Variants in PTPN20 observed in about 807,000 individuals in gnomAD.
PTPN20 encodes the protein protein tyrosine phosphatase non-receptor type 20.
Under a neutral mutation model 35.0 loss-of-function variants are expected in PTPN20, and 9 were observed. That is an observed-to-expected ratio of 0.26 (90% CI 0.15 to 0.45). The LOEUF (loss-of-function observed/expected upper bound fraction) is 0.45. Among genes scored for constraint, PTPN20 ranks in the 20% least tolerant of loss-of-function variants. The pLI is 1.00. For missense variants in PTPN20, 111 were observed against 312.5 expected, an observed-to-expected ratio of 0.36 and a Z score of 4.86; for synonymous variants, 32 against 100.2, an observed-to-expected ratio of 0.32 and a Z score of 4.06.
At chr10:46,976,905 CTA>C (rs2053848989) in intron 7 of PTPN20, among the ~76,000 whole-genome samples, 2 of 149,478 alleles carry the variant, frequency 1.3e-5, no homozygotes, top group African/African-American at 2.5e-5. Context: ...TTATAGGAAA[CTA>C]ATATAAGTTT....
intron 1 of PTPN20, among the ~76,000 whole-genome samples, chr10:46,931,258 AC>A (rs2133118343): frequency 8.8e-6 from 1 of 113,644 alleles, no homozygotes; most frequent in South Asian, 3.0e-4. Flanking sequence ...TAAGTCTAGG[AC>A]TTTTAATCAG....
At chr10:46,950,566 T>G (rs2046339661) in intron 5 of PTPN20, among the ~76,000 whole-genome samples, 2 of 152,132 alleles carry the variant, frequency 1.3e-5, no homozygotes, top group South Asian at 2.1e-4. Context: ...GTATGTATTG[T>G]TCTTAAAGAT....
chr10:46,928,143 G>A (rs1355602192), intron 1 of PTPN20, among the ~76,000 whole-genome samples: 1 of 151,300 alleles, frequency 6.6e-6, no homozygotes, highest in Non-Finnish European at 1.5e-5. Flanking sequence ...ATCATCATCA[G>A]TCCCTGGGTT....
Position 47,001,005 on chromosome 10 carries a change from C to A in PTPN20, c.*264C>A. 1.9e-6 allele frequency: 1 copy of A among 530,794 alleles called. No individual in the cohort carries two copies. The highest frequency in any genetic ancestry group is 2.2e-5 in the South Asian group (1 of 45,478). 32.9% of individuals were successfully genotyped at this position (530,794 alleles called of 1,614,324 possible). On this transcript the variant is annotated 3_prime_UTR_variant, in exon 11 of 11. Transcript: ENST00000374339. ...AAACAGATGTTACATAAAACGATTG[C>A]AGCTTGGCTATTTGGTTGAAGGGAT... is the stretch of plus-strand genomic sequence containing the variant.
chr10:46,937,254 C>A (rs1427130742), intron 2 of PTPN20, among the ~76,000 whole-genome samples: 232 of 146,416 alleles, frequency 1.6e-3, no homozygotes, highest in Non-Finnish European at 2.6e-3. Context: ...ATGAGAAATC[C>A]ATCATTCTTA....
intron 9 of PTPN20, among the ~76,000 whole-genome samples, chr10:46,993,242 GC>G (rs1192154656): frequency 3.3e-5 from 5 of 152,296 alleles, no homozygotes; most frequent in African/African-American, 9.6e-5. Context: ...CCTTAGGGGA[GC>G]CCCCTCCAGT....
chr10:46,941,599 C>A, intron 3 of PTPN20, among the ~76,000 whole-genome samples: 1 of 138,772 alleles, frequency 7.2e-6, no homozygotes, highest in East Asian at 2.2e-4. Flanking sequence ...CACAGAATGG[C>A]CCAAGTATAT....
chr10:46,959,507 A>G (rs1265716717), intron 5 of PTPN20, among the ~76,000 whole-genome samples: 1 of 147,416 alleles, frequency 6.8e-6, no homozygotes, highest in Non-Finnish European at 1.5e-5. Context: ...GTAATTACTG[A>G]TAAGGAGAGA....
At position 46,999,896 on chromosome 10, in the gene PTPN20, T is replaced by C. The variant is rs2059800769; in HGVS notation, c.1135-16T>C. 1.2e-6 allele frequency: 2 copies of C among 1,613,628 alleles called. No individual in the cohort carries two copies. The highest frequency in any genetic ancestry group is 1.7e-4 in the Middle Eastern group (1 of 6,056). The stretch of plus-strand genomic sequence containing the variant: ...CCCCATGTGGATCATACAAAATTAC[T>C]GTCATCTTATTACAGTTCAACATCA... On this transcript the variant is annotated splice_polypyrimidine_tract_variant and intron_variant, in intron 9 of 10. Coordinates refer to ENST00000374339, the MANE Select transcript of PTPN20 (RefSeq NM_001042357.5).
At position 46,967,441 on chromosome 10, in the gene PTPN20, G is replaced by A. The variant is rs1444293934; in HGVS notation, c.493-516G>A. On this transcript the variant is annotated intron_variant, in intron 6 of 10. Coordinates refer to ENST00000374339, the MANE Select transcript of PTPN20 (RefSeq NM_001042357.5). ...ACAAGGCCAGATACCTACTAAATGC[G>A]TAATAAGTGTTTGTTGAATTCACAC... 2.3e-5 allele frequency among the ~76,000 whole-genome samples: 2 copies of A among 88,644 alleles called. 1 individual carries two copies. The highest frequency in any genetic ancestry group is 3.9e-5 in the Non-Finnish European group (2 of 51,826). The allele number at this position is 88,644 out of a possible 152,430, so 58.2% of individuals were successfully genotyped here.
intron 2 of PTPN20, among the ~76,000 whole-genome samples, chr10:46,935,797 A>G (rs1490246640): frequency 6.6e-6 from 1 of 152,222 alleles, no homozygotes; most frequent in Non-Finnish European, 1.5e-5. Context: ...TGACGGAACA[A>G]TTTATATCCC....
intron 9 of PTPN20, among the ~76,000 whole-genome samples, chr10:46,998,513 G>A (rs1373691263): frequency 6.6e-6 from 1 of 152,112 alleles, no homozygotes; most frequent in African/African-American, 2.4e-5. Context: ...GACTCTATAG[G>A]GATAGCAGGA....
At chr10:46,941,779 C>T in intron 3 of PTPN20, among the ~76,000 whole-genome samples, 1 of 143,566 alleles carries the variant, frequency 7.0e-6, no homozygotes, top group East Asian at 2.1e-4. Flanking sequence ...TTAAAGTTTC[C>T]TTTCATAAAA....
At position 46,923,329 on chromosome 10, in the gene PTPN20, A is replaced by G. The variant is rs1302177378; in HGVS notation, c.-123-9048A>G. Among the ~76,000 whole-genome samples, 3 of 146,108 alleles carry G rather than the reference A, an allele frequency of 2.1e-5. 1 individual carries two copies. Among genetic ancestry groups the G allele is most frequent in the African/African-American group, 8.3e-5 (3 of 36,338 alleles). On this transcript the variant is annotated intron_variant, in intron 1 of 10. Coordinates refer to ENST00000374339, the MANE Select transcript of PTPN20 (RefSeq NM_001042357.5). ...CACCCAGTTTGTGGTACCATGTTATAGCAGCTCTTGGGCACCAATACAGTT... is the reference window on the plus strand; with the variant it reads ...CACCCAGTTTGTGGTACCATGTTATGGCAGCTCTTGGGCACCAATACAGTT...
rs2047604159 is a variant in PTPN20, at chr10:46,953,876, T to C, written c.340+7201T>C. 2.1e-5 allele frequency among the ~76,000 whole-genome samples: 3 copies of C among 140,724 alleles called. 1 individual carries two copies. Among genetic ancestry groups the C allele is most frequent in the African/African-American group, 8.8e-5 (3 of 34,272 alleles). 92.3% of individuals were successfully genotyped at this position (140,724 alleles called of 152,430 possible). A position where few individuals can be genotyped will look rare whatever the true frequency, so the allele number is the denominator to read the frequency against. ...CAGATATTCATCTGTAATTTTCTTT[T>C]TTTGTGATATCTTTTTCCGGTTTTA... On this transcript the variant is annotated intron_variant, in intron 5 of 10. Transcript: ENST00000374339.
intron 4 of PTPN20, among the ~76,000 whole-genome samples, chr10:46,945,401 A>C (rs1359211476): frequency 6.6e-6 from 1 of 152,158 alleles, no homozygotes; most frequent in Non-Finnish European, 1.5e-5. Context: ...AAAAATTAGA[A>C]GGAGAAAAGA....
intron 6 of PTPN20, among the ~76,000 whole-genome samples, chr10:46,966,210 C>T (rs879945845): frequency 1.3e-5 from 2 of 151,186 alleles, no homozygotes; most frequent in Non-Finnish European, 2.9e-5. Flanking sequence ...TGAGCCACCG[C>T]GCCTGGCCGA....
At chr10:46,929,698 C>T (rs1347369698) in intron 1 of PTPN20, among the ~76,000 whole-genome samples, 1 of 148,774 alleles carries the variant, frequency 6.7e-6, no homozygotes, top group Non-Finnish European at 1.5e-5. Flanking sequence ...GGAGATGAGT[C>T]CAGAAATCAT....
chr10:46,950,661 G>A (rs2046366355), intron 5 of PTPN20, among the ~76,000 whole-genome samples: 1 of 151,838 alleles, frequency 6.6e-6, no homozygotes, highest in African/African-American at 2.4e-5. Context: ...AAATTATAAA[G>A]TTAATGTATG....
Sources: allele counts gnomAD v4.1 joint callset (sites outside exome capture counted in the v4.1 genomes callset), GRCh38; gene constraint gnomAD v4.1.1; transcripts MANE v1.5; gene names NCBI Gene and HGNC (gene_info 2026-07-23, HGNC 2026-07-21).